Variants in UACA observed in about 807,000 individuals in gnomAD.
The protein encoded by UACA is nuclear membrane binding protein.
A neutral mutation model predicts 160.5 loss-of-function variants in UACA; 112 were observed. That is an observed-to-expected ratio of 0.70 (90% CI 0.60 to 0.82). The LOEUF (loss-of-function observed/expected upper bound fraction) is 0.82. UACA is among the 40% of genes least tolerant of loss of function. The pLI, the probability that UACA is intolerant of heterozygous loss-of-function variation, is 0.00. For missense variants in UACA, 1,574 were observed against 1,614.6 expected, an observed-to-expected ratio of 0.97 and a Z score of 0.43; for synonymous variants, 557 against 568.4, an observed-to-expected ratio of 0.98 and a Z score of 0.29.
chr15:70,695,200 G>T, intron 2 of UACA, 95 bp from the exon 3 acceptor site: 1 of 726,908 alleles, frequency 1.4e-6, no homozygotes, highest in Non-Finnish European at 2.2e-6. Context: ...ACACACACAC[G>T]CACACAAACA....
At chr15:70,717,857 C>G (rs888264944) in intron 1 of UACA, among the ~76,000 whole-genome samples, 1 of 151,984 alleles carries the variant, frequency 6.6e-6, no homozygotes, top group East Asian at 1.9e-4. Flanking sequence ...TGTAGATAGG[C>G]CTCAATCCCT....
the UACA span, among the ~76,000 whole-genome samples, chr15:70,776,429 T>TC: frequency 2.0e-5 from 3 of 148,378 alleles, no homozygotes; most frequent in East Asian, 5.8e-4. Flanking sequence ...AAATGTCTTT[T>TC]TTTTTTTTTT....
rs1899813823 is a variant in UACA at position 70,749,401 on chromosome 15, C to T, written c.78+13929G>A. ...ATTAGCCGGGCGCGGTGGCGGGCGC[C>T]TGTAGTCCCAGCTACTTGGGAGGCT... On this transcript the variant is annotated intron_variant, in intron 1 of 18. Coordinates refer to ENST00000322954, the MANE Select transcript of UACA (RefSeq NM_018003.4). 3 of 182,428 alleles carry T rather than the reference C, an allele frequency of 1.6e-5. No individual in the cohort carries two copies. In the Admixed American group the frequency reaches 1.9e-4, roughly 11 times the overall value. 11.3% of individuals were successfully genotyped at this position (182,428 alleles called of 1,614,324 possible). A position where few individuals can be genotyped will look rare whatever the true frequency, so the allele number is the denominator to read the frequency against.
At chr15:70,745,912 C>A (rs1040717899) in intron 1 of UACA, among the ~76,000 whole-genome samples, 3 of 151,808 alleles carry the variant, frequency 2.0e-5, no homozygotes, top group African/African-American at 7.3e-5. Context: ...TAGCCATATG[C>A]GGAAAACTGG....
intron 1 of UACA, among the ~76,000 whole-genome samples, chr15:70,711,489 A>T (rs1898679963): frequency 1.7e-5 from 2 of 117,432 alleles, no homozygotes; most frequent in African/African-American, 5.3e-5. Context: ...TGGCAAAACC[A>T]TCTCTACTAA....
At chr15:70,739,734 G>C (rs1899471950) in intron 1 of UACA, among the ~76,000 whole-genome samples, 1 of 152,180 alleles carries the variant, frequency 6.6e-6, no homozygotes, top group Non-Finnish European at 1.5e-5. Context: ...AATGGTGTCA[G>C]ATGTTAAACT....
intron 1 of UACA, among the ~76,000 whole-genome samples, chr15:70,707,354 C>T (rs959735505): frequency 4.6e-5 from 7 of 152,036 alleles, no homozygotes; most frequent in Non-Finnish European, 1.0e-4. Context: ...GAGAAAACTT[C>T]GTAAATTGGA....
intron 18 of UACA, among the ~76,000 whole-genome samples, chr15:70,658,292 T>C (rs1896556301): frequency 6.6e-6 from 1 of 152,210 alleles, no homozygotes. Context: ...CCCATTCCCC[T>C]AACGATGGAC....
Position 70,668,478 on chromosome 15 carries a change from A to G in UACA, c.2206T>C (p.Leu736=), listed in dbSNP as rs1296811524. The stretch of plus-strand genomic sequence containing the variant: ...TAATGATTTTTCATTTCAATTGTTA[A>G]GTTATGTGCTTGCTCCTTGAGGAGC... ...NKLLKEQAHN[L]TIEMKNHYVP... is the part of the protein sequence containing the mutation. The change falls in exon 16 of 19, where the codon TTA becomes CTA. Residue 736 remains leucine (L), a synonymous_variant. Transcript: ENST00000322954. 1.2e-6 allele frequency: 2 copies of G among 1,612,114 alleles called. No individual in the cohort carries two copies. The highest frequency in any genetic ancestry group is 2.7e-5 in the African/African-American group (2 of 74,882).
Position 70,657,133 on chromosome 15 carries a change from G to A in UACA, c.4180-6C>T, listed in dbSNP as rs760585163. 2 of 1,612,954 alleles carry A rather than the reference G, an allele frequency of 1.2e-6. No homozygotes were observed. The highest frequency in any genetic ancestry group is 1.7e-5 in the Admixed American group (1 of 60,008). On this transcript the variant is annotated splice_region_variant and splice_polypyrimidine_tract_variant and intron_variant, in intron 18 of 18. Coordinates refer to ENST00000322954, the MANE Select transcript of UACA (RefSeq NM_018003.4). Reference sequence around the variant, plus strand: ...ACATCTTCATCCATGTGACCCTTCGGAGAAAGAAGAAAGAGGAGCATTATT... The same window carrying A: ...ACATCTTCATCCATGTGACCCTTCGAAGAAAGAAGAAAGAGGAGCATTATT...
rs1213731967 is a variant in UACA, at chr15:70,666,976, C to T, written c.3708G>A (p.Leu1236=). The T allele has an allele frequency of 6.2e-7, 1 of 1,612,734 alleles. No individual in the cohort carries two copies. The highest frequency in any genetic ancestry group is 1.1e-5 in the South Asian group (1 of 90,640). The change falls in exon 16 of 19, where the codon TTG becomes TTA. Residue 1236 remains leucine, a synonymous_variant. Transcript: ENST00000322954. ...LSKYKATKSD[L]ETQISSLNEK... Reference sequence around the variant, plus strand: ...CATTTAAGCTAGAAATCTGTGTCTCCAAATCACTTTTTGTTGCTTTATATT... The same window carrying T: ...CATTTAAGCTAGAAATCTGTGTCTCTAAATCACTTTTTGTTGCTTTATATT...
In UACA at chr15:70,763,551, A is replaced by T. The variant is rs911588767; in HGVS notation, c.-144T>A. 6.4e-6 allele frequency: 8 copies of T among 1,242,910 alleles called. No homozygotes were observed. The highest frequency in any genetic ancestry group is 7.3e-5 in the South Asian group (2 of 27,228). 77.0% of individuals were successfully genotyped at this position (1,242,910 alleles called of 1,614,324 possible). A position where few individuals can be genotyped will look rare whatever the true frequency, so the allele number is the denominator to read the frequency against. On this transcript the variant is annotated 5_prime_UTR_variant, in exon 1 of 19. Transcript: ENST00000322954. ...GCCACCTGCGGGCCCCGGGCAGCAG[A>T]CGTCGACAGGCCTGAGGCGGGGCTC...
intron 1 of UACA, among the ~76,000 whole-genome samples, chr15:70,718,317 A>AAT (rs1898883497): frequency 1.8e-5 from 2 of 110,616 alleles, no homozygotes; most frequent in Non-Finnish European, 3.9e-5. Flanking sequence ...AGGGAGAGAG[A>AAT]GAGAGAATGT....
chr15:70,766,181 T>C (rs16954818), upstream of UACA, among the ~76,000 whole-genome samples: 6,041 of 152,326 alleles, frequency 0.04, 405 homozygotes, highest in African/African-American at 0.14. Context: ...TGATGTCTGC[T>C]TATTCCCATT....
chr15:70,658,835 C>T (rs975546477), intron 18 of UACA, among the ~76,000 whole-genome samples: 2 of 152,166 alleles, frequency 1.3e-5, no homozygotes, highest in Non-Finnish European at 2.9e-5. Flanking sequence ...AAACATTAGC[C>T]ATAGTTGACT....
intron 18 of UACA, 63 bp downstream of exon 18, chr15:70,660,088 T>A (rs1287865668): frequency 7.4e-7 from 1 of 1,352,482 alleles, no homozygotes; most frequent in African/African-American, 1.5e-5. Context: ...ATAAATTTAT[T>A]TGAAAATAAA....
chr15:70,657,287 C>A (rs1160392998), intron 18 of UACA, among the ~76,000 whole-genome samples, 160 bp from the exon 19 acceptor site: 1 of 152,130 alleles, frequency 6.6e-6, no homozygotes, highest in African/African-American at 2.4e-5. Flanking sequence ...AAAGGGAGTA[C>A]AGCCCTATCA....
Position 70,720,288 on chromosome 15 carries a change from C to A in UACA, c.79-20628G>T, listed in dbSNP as rs149340427. Among the ~76,000 whole-genome samples the A allele has an allele frequency of 5.5e-3, 843 of 152,306 alleles. 8 individuals carry two copies. The highest frequency in any genetic ancestry group is 0.019 in the African/African-American group (801 of 41,560). On this transcript the variant is annotated intron_variant, in intron 1 of 18. Coordinates refer to ENST00000322954, the MANE Select transcript of UACA (RefSeq NM_018003.4). ...CTCTTTTCTTTATAAATTACCCATTCTCTGGTATTTCTTTATAGCAATGTG... is the reference window on the plus strand; with the variant it reads ...CTCTTTTCTTTATAAATTACCCATTATCTGGTATTTCTTTATAGCAATGTG...
intron 13 of UACA, among the ~76,000 whole-genome samples, chr15:70,672,272 A>G (rs904484785): frequency 5.9e-5 from 9 of 152,146 alleles, no homozygotes; most frequent in Admixed American, 5.9e-4. Flanking sequence ...GAAAAAAAAA[A>G]GTGAGCCCTA....
Sources: gnomAD v4.1 joint callset for allele counts (sites outside exome capture counted in the v4.1 genomes callset) on GRCh38, gnomAD v4.1.1 for gene constraint, MANE v1.5 for transcripts, NCBI Gene and HGNC (gene_info 2026-07-23, HGNC 2026-07-21) for gene names.